Variants in UBR4 observed in about 807,000 individuals in gnomAD.
UBR4 encodes the protein E3 ubiquitin-protein ligase UBR4.
A neutral mutation model predicts 575.6 loss-of-function variants in UBR4; 124 were observed. That is an observed-to-expected ratio of 0.22 (90% confidence interval 0.19 to 0.25). The LOEUF is 0.25. UBR4 is among the 10% of genes least tolerant of loss of function. The probability of loss-of-function intolerance (pLI) is 1.00; values close to 1 mark genes in which losing one functional copy is unlikely to be tolerated. For missense variants in UBR4, 4,818 were observed against 6,478.8 expected (o/e 0.74, Z 8.80); for synonymous variants, 2,455 against 2,473.7 (o/e 0.99, Z 0.22).
chr1:19,186,356 A>C (rs997026204), intron 14 of UBR4, among the ~76,000 whole-genome samples, 184 bp downstream of exon 14: 1 of 152,220 alleles, frequency 6.6e-6, no homozygotes, highest in Non-Finnish European at 1.5e-5. Flanking sequence ...TTCATTCATC[A>C]ACAGCTCAAC....
intron 25 of UBR4, 72 bp from the exon 26 acceptor site, chr1:19,170,955 A>G (rs563670853): frequency 6.2e-7 from 1 of 1,606,032 alleles, no homozygotes; most frequent in East Asian, 2.2e-5. Flanking sequence ...CTGGCCCTAG[A>G]CTGGCTGAAA....
intron 38 of UBR4, 28 bp from the exon 39 acceptor site, chr1:19,160,309 T>TTA: frequency 7.1e-7 from 1 of 1,398,978 alleles, no homozygotes; most frequent in Non-Finnish European, 9.4e-7. Context: ...AATACACCAG[T>TTA]GAAAAAAAAA....
rs191204239 is a variant in UBR4, at chr1:19,109,182, G to A, written c.12105+914C>T. ...AAGGGATGGCCCATCAGACAGAACA[G>A]GAGTCAGAAGGACCCAAGGCCCAAT... On this transcript the variant is annotated intron_variant, in intron 81 of 105. Coordinates refer to ENST00000375254, the MANE Select transcript of UBR4 (RefSeq NM_020765.3). 1.6e-4 allele frequency among the ~76,000 whole-genome samples: 24 copies of A among 152,344 alleles called. No homozygotes were observed. In the East Asian group the frequency reaches 3.5e-3, roughly 22 times the overall value.
At chr1:19,156,705 G>C in intron 41 of UBR4, 62 bp downstream of exon 41, 1 of 1,565,200 alleles carries the variant, frequency 6.4e-7, no homozygotes, top group Non-Finnish European at 8.7e-7. Flanking sequence ...TCTGAGAACA[G>C]GGGAGAGAAA....
chr1:19,193,787 C>G (rs369972370), intron 8 of UBR4, among the ~76,000 whole-genome samples: 2 of 152,228 alleles, frequency 1.3e-5, no homozygotes, highest in East Asian at 3.9e-4. Context: ...ACACACACTA[C>G]ACACGAATGT....
chr1:19,110,135 C>A lies in UBR4; in HGVS notation c.12066G>T (p.Lys4022Asn). ...ITLMCLRILQKLIKPPAPTSK... is the reference protein window; with the variant it reads ...ITLMCLRILQNLIKPPAPTSK... ...TAGTGGGAGCAGGTGGTTTTATCAGCTTCTGCAAGATCCTCAGGCACATGA... is the reference window on the plus strand; with the variant it reads ...TAGTGGGAGCAGGTGGTTTTATCAGATTCTGCAAGATCCTCAGGCACATGA... The change falls in exon 81 of 106, where the codon AAG becomes AAT. Residue 4022 changes from lysine (K) to asparagine (N), a missense_variant. Coordinates refer to ENST00000375254, the MANE Select transcript of UBR4 (RefSeq NM_020765.3). The surrounding 1 kb of genome is among the most constrained non-coding windows in gnomAD (Gnocchi z 4.5). 6.2e-7 allele frequency: 1 copy of A among 1,614,166 alleles called. No homozygotes were observed. The highest frequency in any genetic ancestry group is 8.5e-7 in the Non-Finnish European group (1 of 1,180,018).
chr1:19,176,344 T>C (rs1571481725), intron 20 of UBR4, among the ~76,000 whole-genome samples: 2 of 152,224 alleles, frequency 1.3e-5, no homozygotes, highest in South Asian at 4.1e-4. Flanking sequence ...TCTGCCCGCC[T>C]CTGCCTCCCA....
In UBR4 at chr1:19,092,888, C is replaced by T. The variant is rs192809511; in HGVS notation, c.14142G>A (p.Leu4714=). The T allele has an allele frequency of 1.5e-5, 24 of 1,613,438 alleles. No homozygotes were observed. In the African/African-American group the frequency reaches 2.5e-4, roughly 17 times the overall value. ...NLDADIWKKF[L]SRPALPFILR... is the part of the protein sequence containing the mutation. ...GGATAAATGGCAAGGCTGGGCGAGA[C>T]AAAAACTTTTTCCAGATGTCGGCAT... The change falls in exon 97 of 106, where the codon TTG becomes TTA. Residue 4714 remains leucine, a synonymous_variant. Transcript: ENST00000375254.
intron 64 of UBR4, chr1:19,125,532 G>A (rs2081632583): frequency 6.6e-6 from 1 of 152,286 alleles, no homozygotes; most frequent in South Asian, 2.1e-4. Flanking sequence ...CTAGACAGGA[G>A]AAGAAAGGGG....
chr1:19,210,186 C>A lies in UBR4; in HGVS notation c.63G>T (p.Thr21=). The change falls in exon 1 of 106, where the codon ACG becomes ACT. Residue 21 remains threonine (T), a synonymous_variant. Transcript: ENST00000375254. ...AAAPAPGTPA[T]GADTTPGWEV... Reference sequence around the variant, plus strand: ...CCCAGCCCGGGGTCGTGTCCGCCCCCGTTGCCGGGGTCCCCGGCGCCGGAG... The same window carrying A: ...CCCAGCCCGGGGTCGTGTCCGCCCCAGTTGCCGGGGTCCCCGGCGCCGGAG... 1.3e-6 allele frequency: 2 copies of A among 1,495,722 alleles called. No homozygotes were observed. Among genetic ancestry groups the A allele is most frequent in the Non-Finnish European group, 1.8e-6 (2 of 1,128,572 alleles). The allele number at this position is 1,495,722 out of a possible 1,614,324, so 92.7% of individuals were successfully genotyped here.
chr1:19,203,016 G>A (rs542476099), intron 1 of UBR4, among the ~76,000 whole-genome samples: 1 of 152,006 alleles, frequency 6.6e-6, no homozygotes, highest in East Asian at 1.9e-4. Context: ...AGAAGGTAGA[G>A]GCTGCAGTGA....
At position 19,210,194 on chromosome 1, in the gene UBR4, G is replaced by T. The variant is rs746203590; in HGVS notation, c.55C>A (p.Pro19Thr). The change falls in exon 1 of 106, where the codon CCG becomes ACG. Residue 19 changes from proline (P) to threonine (T), a missense_variant. Pro to Thr is a conservative substitution (Grantham distance 38). Around this residue, in one of 29 missense-constraint regions of UBR4, gnomAD observed 95 missense variants for 87.7 expected, o/e 1.08. Coordinates refer to ENST00000375254, the MANE Select transcript of UBR4 (RefSeq NM_020765.3). ...GGGGTCGTGTCCGCCCCCGTTGCCG[G>T]GGTCCCCGGCGCCGGAGCCGCTGCC... is the stretch of plus-strand genomic sequence containing the variant. Reference protein sequence around the residue: ...AAAAAPAPGTPATGADTTPGW... With the variant: ...AAAAAPAPGTTATGADTTPGW... 6.8e-7 allele frequency: 1 copy of T among 1,481,418 alleles called. No homozygotes were observed. Among genetic ancestry groups the T allele is most frequent in the Non-Finnish European group, 8.9e-7 (1 of 1,121,044 alleles). The allele number at this position is 1,481,418 out of a possible 1,614,324, so 91.8% of individuals were successfully genotyped here. A position where few individuals can be genotyped will look rare whatever the true frequency, so the allele number is the denominator to read the frequency against.
intron 7 of UBR4, 60 bp downstream of exon 7, chr1:19,197,610 G>C: frequency 6.3e-7 from 1 of 1,592,698 alleles, no homozygotes; most frequent in South Asian, 1.1e-5. Flanking sequence ...CTGGGTGACA[G>C]AACAAGACCC....
At chr1:19,086,335 C>A in intron 100 of UBR4, 65 bp from the exon 101 acceptor site, 1 of 3,228 alleles carries the variant, frequency 3.1e-4, no homozygotes, top group Non-Finnish European at 4.4e-4. Context: ...GGCACCTGGG[C>A]GGGGGGGCGG....
intron 93 of UBR4, 95 bp from the exon 94 acceptor site, chr1:19,095,120 T>A: frequency 3.8e-6 from 6 of 1,568,142 alleles, no homozygotes; most frequent in Non-Finnish European, 5.2e-6. Flanking sequence ...ACAGCCTTAC[T>A]CCCCAGAGAC....
intron 102 of UBR4, chr1:19,081,848 A>G (rs2076547411): frequency 6.1e-6 from 4 of 656,774 alleles, no homozygotes; most frequent in Non-Finnish European, 1.1e-5. Context: ...CCAAGCAACT[A>G]CTGGTTCCTG....
chr1:19,182,499 G>A (rs537607764), intron 17 of UBR4, among the ~76,000 whole-genome samples: 34 of 152,182 alleles, frequency 2.2e-4, no homozygotes, highest in African/African-American at 7.9e-4. Context: ...CTACAGGCAC[G>A]TGCCACCATA....
intron 102 of UBR4, among the ~76,000 whole-genome samples, chr1:19,082,955 C>T (rs936823849): frequency 2.0e-5 from 3 of 152,342 alleles, no homozygotes; most frequent in African/African-American, 7.2e-5. Flanking sequence ...TAGCTGTCGA[C>T]TGGGAAGCAG....
At position 19,157,109 on chromosome 1, in the gene UBR4, A is replaced by G. The variant is rs923278240; in HGVS notation, c.5761-184T>C. ...CTCCTGGCTAAAAGCTATGGAATGT[A>G]TTTCCATGGAGGACAGAACAGGTAA... On this transcript the variant is annotated intron_variant, in intron 40 of 105. Transcript: ENST00000375254. This position sits in a 1 kb window ranked among gnomAD's most constrained non-coding sequence, Gnocchi z 4.4. Among the ~76,000 whole-genome samples, 2 of 152,230 alleles carry G rather than the reference A, an allele frequency of 1.3e-5. No homozygotes were observed. The highest frequency in any genetic ancestry group is 2.4e-5 in the African/African-American group (1 of 41,456).
Sources: allele counts gnomAD v4.1 joint callset (sites outside exome capture counted in the v4.1 genomes callset), GRCh38; gene constraint gnomAD v4.1.1; regional missense constraint gnomAD v4.1.1; non-coding constraint Gnocchi (gnomAD v3.1); transcripts MANE v1.5; gene names NCBI Gene and HGNC (gene_info 2026-07-23, HGNC 2026-07-21).